The following NINL variants were observed in gnomAD, a reference collection of about 807,000 sequenced individuals.
NINL encodes the protein ninein-like protein.
Under a neutral mutation model 160.3 loss-of-function variants are expected in NINL, and 153 were observed. That is an observed-to-expected ratio of 0.95 (90% CI 0.84 to 1.09). The LOEUF (loss-of-function observed/expected upper bound fraction) is 1.09. NINL is among the 50% of genes least tolerant of loss of function. NINL has a pLI of 0.00. For missense variants in NINL, 1,829 were observed against 1,764.0 expected (o/e 1.04, Z -0.66); for synonymous variants, 800 against 734.8 (o/e 1.09, Z -1.43).
At chr20:25,559,987 T>G (rs1218856218) in intron 1 of NINL, among the ~76,000 whole-genome samples, 1 of 152,158 alleles carries the variant, frequency 6.6e-6, no homozygotes, top group Non-Finnish European at 1.5e-5. Flanking sequence ...GGCTGGAGTG[T>G]AGTGGTGTGA....
intron 13 of NINL, among the ~76,000 whole-genome samples, chr20:25,487,871 C>T (rs899183374): frequency 6.6e-6 from 1 of 152,214 alleles, no homozygotes; most frequent in Admixed American, 6.5e-5. Context: ...GTCTGCAAGG[C>T]GGCCTTCAAG....
At chr20:25,558,819 C>G (rs535828823) in intron 1 of NINL, among the ~76,000 whole-genome samples, 10 of 152,342 alleles carry the variant, frequency 6.6e-5, no homozygotes, top group African/African-American at 2.2e-4. Context: ...ATTCTGAGAA[C>G]TGCAAATGCA....
intron 1 of NINL, among the ~76,000 whole-genome samples, chr20:25,569,742 A>G (rs1228087559): frequency 6.6e-6 from 1 of 152,194 alleles, no homozygotes; most frequent in Admixed American, 6.5e-5. Context: ...AGGCGGAGGA[A>G]GCAGCCACAG....
chr20:25,460,531 C>A (rs1414360878), intron 21 of NINL, among the ~76,000 whole-genome samples: 4 of 152,156 alleles, frequency 2.6e-5, no homozygotes, highest in African/African-American at 7.2e-5. Context: ...CTCCTCACCT[C>A]AAAGGACTCG....
intron 19 of NINL, among the ~76,000 whole-genome samples, chr20:25,467,067 C>T (rs1317631109): frequency 6.6e-6 from 1 of 152,232 alleles, no homozygotes; most frequent in Non-Finnish European, 1.5e-5. Flanking sequence ...CAGTGCCTGC[C>T]TGCCAGCGTC....
chr20:25,514,122 C>T (rs537201393), intron 3 of NINL, among the ~76,000 whole-genome samples: 2 of 152,302 alleles, frequency 1.3e-5, no homozygotes, highest in African/African-American at 4.8e-5. Flanking sequence ...ACTTGTTAAA[C>T]TGATGTGACC....
intron 2 of NINL, among the ~76,000 whole-genome samples, chr20:25,522,409 A>G (rs2064279329): frequency 6.6e-6 from 1 of 152,118 alleles, no homozygotes; most frequent in African/African-American, 2.4e-5. Context: ...CAACAAATGG[A>G]GCTACCAGGA....
intron 1 of NINL, among the ~76,000 whole-genome samples, chr20:25,530,798 T>C (rs1422721916): frequency 6.6e-6 from 1 of 151,968 alleles, no homozygotes; most frequent in Non-Finnish European, 1.5e-5. Flanking sequence ...TAATAGAATA[T>C]CACAAGGCAA....
chr20:25,576,799 T>C (rs2065120899), intron 1 of NINL, among the ~76,000 whole-genome samples: 1 of 152,062 alleles, frequency 6.6e-6, no homozygotes, highest in African/African-American at 2.4e-5. Context: ...ATGATAAGAG[T>C]CTTACTTTAT....
intron 1 of NINL, among the ~76,000 whole-genome samples, chr20:25,555,375 T>C (rs1193609152): frequency 1.3e-5 from 2 of 152,206 alleles, no homozygotes; most frequent in African/African-American, 4.8e-5. Flanking sequence ...TTGCTCTCCA[T>C]AGAGGCTATA....
intron 1 of NINL, among the ~76,000 whole-genome samples, chr20:25,536,592 G>A (rs961382816): frequency 9.9e-5 from 15 of 152,092 alleles, no homozygotes; most frequent in South Asian, 4.1e-4. Flanking sequence ...GGTGGCAGGC[G>A]CCTAAAATCC....
chr20:25,573,439 G>C (rs1316757599), intron 1 of NINL, among the ~76,000 whole-genome samples: 1 of 152,142 alleles, frequency 6.6e-6, no homozygotes, highest in Admixed American at 6.5e-5. Context: ...GGAGCCTAGA[G>C]GCATAACACA....
At chr20:25,534,673 G>A (rs116944367) in intron 1 of NINL, among the ~76,000 whole-genome samples, 2,836 of 152,264 alleles carry the variant, frequency 0.019, 34 homozygotes, top group South Asian at 0.069. Context: ...GTCCATTGCT[G>A]ACTGAAATAT....
chr20:25,472,323 GGATA>G (rs1208081536), intron 17 of NINL, among the ~76,000 whole-genome samples: 1 of 54,626 alleles, frequency 1.8e-5, no homozygotes, highest in Non-Finnish European at 3.5e-5. Context: ...TGGGAGGAGA[GGATA>G]TATATATATA....
At position 25,476,399 on chromosome 20, in the gene NINL, C is replaced by T. The variant is rs371413969; in HGVS notation, c.2892G>A (p.Pro964=). Residue 964 remains proline, a synonymous_variant, in exon 17 of 24, where the codon CCG becomes CCA. Transcript: ENST00000278886. ...CAGCCTGTCCCCTGCACGAAGCGGC[C>T]GGCCTCAGGGGTGGCTCCCACATCC... is the stretch of plus-strand genomic sequence containing the variant. ...QPRMWEPPLR[P]AASCRGQAER... is the part of the protein sequence containing the mutation. The T allele has an allele frequency of 6.9e-6, 11 of 1,591,076 alleles. No homozygotes were observed. Among genetic ancestry groups the T allele is most frequent in the South Asian group, 5.5e-5 (5 of 90,332 alleles).
intron 1 of NINL, among the ~76,000 whole-genome samples, chr20:25,560,166 A>C (rs1243605871): frequency 6.6e-6 from 1 of 151,852 alleles, no homozygotes; most frequent in Non-Finnish European, 1.5e-5. Context: ...CTGGTCTCCA[A>C]CTCTTGGCCT....
chr20:25,457,635 C>T (rs377078468), intron 22 of NINL, among the ~76,000 whole-genome samples: 1 of 152,238 alleles, frequency 6.6e-6, no homozygotes, highest in Admixed American at 6.5e-5. Flanking sequence ...CTTTTCAAGT[C>T]GTGCGCCAAT....
At chr20:25,475,670 G>A (rs377092488) in intron 17 of NINL, among the ~76,000 whole-genome samples, 116 of 152,316 alleles carry the variant, frequency 7.6e-4, no homozygotes, top group African/African-American at 2.7e-3. Flanking sequence ...GGACAGCCTG[G>A]CTAACATGGT....
chr20:25,493,232 T>C (rs995298373), intron 10 of NINL, among the ~76,000 whole-genome samples: 4 of 152,108 alleles, frequency 2.6e-5, no homozygotes, highest in African/African-American at 9.7e-5. Context: ...CACAAGTGTC[T>C]CACAAGGAGC....
Sources: gnomAD v4.1 joint callset for allele counts (sites outside exome capture counted in the v4.1 genomes callset) on GRCh38, gnomAD v4.1.1 for gene constraint, MANE v1.5 for transcripts, NCBI Gene and HGNC (gene_info 2026-07-23, HGNC 2026-07-21) for gene names.